The following MEI4 variants were observed in gnomAD, a reference collection of about 807,000 sequenced individuals.
MEI4 encodes the protein meiosis-specific protein MEI4.
Under a neutral mutation model 31.4 loss-of-function variants are expected in MEI4, and 27 were observed. The observed-to-expected ratio is 0.86, with a 90% confidence interval of 0.63 to 1.19. The LOEUF is 1.19. Among genes scored for constraint, MEI4 ranks in the 50% most tolerant of loss-of-function variants. The pLI is 0.00. For synonymous variants in MEI4, 122 were observed against 145.4 expected (o/e 0.84, Z 1.16); for missense variants, 329 against 398.9 (o/e 0.82, Z 1.49).
At chr6:77,892,591 A>C (rs1262073164) in intron 4 of MEI4, among the ~76,000 whole-genome samples, 1 of 152,062 alleles carries the variant, frequency 6.6e-6, no homozygotes, top group African/African-American at 2.4e-5. Context: ...AGTCTCAAGC[A>C]GGTGGCTCTC....
chr6:77,650,637 T>C (rs986079869), upstream of MEI4, among the ~76,000 whole-genome samples: 1 of 152,230 alleles, frequency 6.6e-6, no homozygotes, highest in African/African-American at 2.4e-5. Flanking sequence ...GAGGCCTGGC[T>C]TTCTGTGCCT....
intron 1 of MEI4, among the ~76,000 whole-genome samples, chr6:77,674,642 G>A (rs565838604): frequency 7.9e-5 from 12 of 152,000 alleles, no homozygotes; most frequent in Admixed American, 7.9e-4. Context: ...TTGGCATAAT[G>A]ACAGAACTAC....
intron 4 of MEI4, among the ~76,000 whole-genome samples, chr6:77,892,703 C>T (rs1765986442): frequency 1.3e-5 from 2 of 152,162 alleles, no homozygotes. Context: ...GAACTAGCCC[C>T]TCCACTCAGT....
chr6:77,743,577 A>G (rs192050308), intron 2 of MEI4, among the ~76,000 whole-genome samples: 29 of 152,232 alleles, frequency 1.9e-4, no homozygotes, highest in African/African-American at 7.0e-4. Context: ...ACAGGGACTT[A>G]CTTAAATGTC....
At chr6:77,744,519 A>G (rs1306065209) in intron 2 of MEI4, among the ~76,000 whole-genome samples, 1 of 152,110 alleles carries the variant, frequency 6.6e-6, no homozygotes, top group Non-Finnish European at 1.5e-5. Flanking sequence ...TGATGGGGAG[A>G]ATGGAACCAA....
chr6:77,877,715 C>T (rs1485548745), intron 4 of MEI4, among the ~76,000 whole-genome samples: 13 of 125,884 alleles, frequency 1.0e-4, no homozygotes, highest in East Asian at 2.3e-4. Flanking sequence ...AGCAGTCAGC[C>T]TTTTTTTTTT....
At chr6:77,748,865 A>T (rs1767689609) in intron 2 of MEI4, among the ~76,000 whole-genome samples, 1 of 152,128 alleles carries the variant, frequency 6.6e-6, no homozygotes, top group Admixed American at 6.5e-5. Flanking sequence ...CATGTCATAC[A>T]GGAGAGCTCT....
intron 1 of MEI4, among the ~76,000 whole-genome samples, chr6:77,680,864 G>A (rs1406918682): frequency 1.3e-5 from 2 of 152,152 alleles, no homozygotes; most frequent in Non-Finnish European, 2.9e-5. Flanking sequence ...AGACTGATGA[G>A]AAGTAGGATC....
intron 4 of MEI4, among the ~76,000 whole-genome samples, chr6:77,893,981 T>C (rs1766024009): frequency 1.3e-5 from 2 of 152,102 alleles, no homozygotes; most frequent in South Asian, 4.1e-4. Flanking sequence ...AAAGTTGAAA[T>C]TATTTTTAAA....
chr6:77,677,216 T>C (rs965576020), intron 1 of MEI4, among the ~76,000 whole-genome samples: 2 of 152,202 alleles, frequency 1.3e-5, no homozygotes, highest in Non-Finnish European at 2.9e-5. Context: ...AAAGTAAATT[T>C]GGATTTTTTG....
chr6:77,694,470 T>G (rs1432909710), intron 2 of MEI4, among the ~76,000 whole-genome samples: 1 of 150,380 alleles, frequency 6.6e-6, no homozygotes, highest in East Asian at 2.0e-4. Context: ...TGTCCATGTG[T>G]TCTCATTGTT....
Position 77,674,322 on chromosome 6 carries a change from G to A in MEI4, c.-14-16336G>A, listed in dbSNP as rs559655501. 6.2e-4 allele frequency among the ~76,000 whole-genome samples: 95 copies of A among 152,248 alleles called. 1 individual carries two copies. The highest frequency in any genetic ancestry group is 2.2e-3 in the African/African-American group (90 of 41,544). On this transcript the variant is annotated intron_variant, in intron 1 of 4. Transcript: ENST00000684080. Reference sequence around the variant, plus strand: ...AAAAAGCGCAACAAAATGCAGTCATGTACCACATGATGTCATTTCAGTAAA... The same window carrying A: ...AAAAAGCGCAACAAAATGCAGTCATATACCACATGATGTCATTTCAGTAAA...
intron 4 of MEI4, among the ~76,000 whole-genome samples, chr6:77,910,238 C>A (rs145658473): frequency 4.0e-5 from 6 of 151,846 alleles, no homozygotes; most frequent in Non-Finnish European, 8.8e-5. Context: ...AAATAAAGGG[C>A]ATTCAATTAG....
chr6:77,698,137 C>T (rs1017630750), intron 2 of MEI4, among the ~76,000 whole-genome samples: 1 of 152,092 alleles, frequency 6.6e-6, no homozygotes, highest in South Asian at 2.1e-4. Context: ...TCCTCCATCC[C>T]TTTATTTTGA....
At position 77,926,536 on chromosome 6, in the gene MEI4, T is replaced by G. The variant is rs1766848574; in HGVS notation, c.*3190T>G. On this transcript the variant is annotated 3_prime_UTR_variant, in exon 5 of 5. Coordinates refer to ENST00000684080, the MANE Select transcript of MEI4 (RefSeq NM_001322247.2). ...CCTTGTACTTTTTAATGGTATTTGT[T>G]GTCTTTTAGCCAAGGTCAGCATATT... 2 of 151,958 alleles carry G rather than the reference T, an allele frequency of 1.3e-5. No individual in the cohort carries two copies. Among genetic ancestry groups the G allele is most frequent in the South Asian group, 4.1e-4 (2 of 4,832 alleles). 9.4% of individuals were successfully genotyped at this position (151,958 alleles called of 1,614,324 possible).
chr6:77,818,702 A>G (rs563578082), intron 3 of MEI4, among the ~76,000 whole-genome samples: 1 of 152,224 alleles, frequency 6.6e-6, no homozygotes, highest in South Asian at 2.1e-4. Flanking sequence ...ACCTATTCGT[A>G]CATTGTTACA....
rs543465035 is a variant in MEI4 at position 77,734,019 on chromosome 6, A to G, written c.233-27111A>G. On this transcript the variant is annotated intron_variant, in intron 2 of 4. Transcript: ENST00000684080. ...AGTTTGTTATAATTTCTTTTCTTTT[A>G]CACTTGCTGAGGAGAGCTTTACTTC... Among the ~76,000 whole-genome samples the G allele has an allele frequency of 1.1e-3, 169 of 152,046 alleles. 3 individuals are homozygous for G. Among genetic ancestry groups the G allele is most frequent in the African/African-American group, 2.7e-3 (113 of 41,374 alleles).
At chr6:77,918,974 A>G (rs1012592700) in intron 4 of MEI4, among the ~76,000 whole-genome samples, 1 of 152,076 alleles carries the variant, frequency 6.6e-6, no homozygotes, top group Non-Finnish European at 1.5e-5. Flanking sequence ...AGTTTTTAGC[A>G]TGAAGGGTTG....
chr6:77,699,574 C>G (rs1296536371), intron 2 of MEI4, among the ~76,000 whole-genome samples: 1 of 152,196 alleles, frequency 6.6e-6, no homozygotes, highest in African/African-American at 2.4e-5. Flanking sequence ...CTTCTTCTCT[C>G]AATTCGTCAA....
Sources: allele counts gnomAD v4.1 joint callset (sites outside exome capture counted in the v4.1 genomes callset), GRCh38; gene constraint gnomAD v4.1.1; transcripts MANE v1.5; gene names NCBI Gene and HGNC (gene_info 2026-07-23, HGNC 2026-07-21).